Variants in NLRP7 observed in about 807,000 individuals in gnomAD.
NLRP7 encodes NACHT, LRR and PYD domains-containing protein 7.
NLRP7 carries 72 observed loss-of-function variants against 85.5 expected under a neutral mutation model. The observed-to-expected ratio is 0.84, with a 90% CI of 0.70 to 1.02. The LOEUF is 1.02. NLRP7 is among the 50% of genes least tolerant of loss of function. NLRP7 has a pLI of 0.00. For missense variants in NLRP7, 1,243 were observed against 1,219.5 expected (o/e 1.02, Z -0.29); for synonymous variants, 550 against 505.2 (o/e 1.09, Z -1.19).
intron 9 of NLRP7, among the ~76,000 whole-genome samples, chr19:54,928,804 T>C (rs2146159433): frequency 9.5e-6 from 1 of 105,522 alleles, no homozygotes; most frequent in East Asian, 3.9e-4. Flanking sequence ...TAGAAGCCTT[T>C]GGTTTTGTTT....
At chr19:54,941,604 G>C in exon 2 of NLRP7, 1 of 1,613,914 alleles carries the variant, frequency 6.2e-7, no homozygotes, top group Non-Finnish European at 8.5e-7. Flanking sequence ...TCTGTAGCAC[G>C]TCTTCGAGGG....
intron 3 of NLRP7, 52 bp downstream of exon 3, chr19:54,940,879 C>T: frequency 9.2e-7 from 1 of 1,083,114 alleles, no homozygotes; most frequent in Non-Finnish European, 1.4e-6. Flanking sequence ...AGTGATGCAC[C>T]TTGCATGCTC....
chr19:54,932,808 A>C (rs1179099357), intron 8 of NLRP7, among the ~76,000 whole-genome samples: 4 of 151,992 alleles, frequency 2.6e-5, no homozygotes, highest in Non-Finnish European at 5.9e-5. Context: ...GGCACGCACC[A>C]CCAAGCCTGG....
chr19:54,939,085 A>C (rs994651872), exon 4 of NLRP7: 6 of 1,614,176 alleles, frequency 3.7e-6, no homozygotes, highest in Non-Finnish European at 5.1e-6. Flanking sequence ...CCTCCTCCTG[A>C]GACTCATACA....
chr19:54,954,127 A>G (rs1434481829), intron 1 of NLRP7, among the ~76,000 whole-genome samples: 1 of 149,504 alleles, frequency 6.7e-6, no homozygotes, highest in Non-Finnish European at 1.5e-5. Context: ...GCCCCATGAC[A>G]GTTTACAAAT....
At chr19:54,938,961 G>T in exon 4 of NLRP7, 1 of 1,613,766 alleles carries the variant, frequency 6.2e-7, no homozygotes, top group Non-Finnish European at 8.5e-7. Context: ...TGCAGTGAGA[G>T]TTTCTGCAAG....
Position 54,941,017 on chromosome 19 carries a change from T to G in NLRP7, c.278-12A>C, listed in dbSNP as rs201164207. 662 of 1,573,350 alleles carry G rather than the reference T, an allele frequency of 4.2e-4. 1 individual carries two copies. Among genetic ancestry groups the G allele is most frequent in the Admixed American group, 1.2e-3 (72 of 59,898 alleles). On this transcript the variant is annotated splice_polypyrimidine_tract_variant and intron_variant, in intron 2 of 9. Coordinates refer to ENST00000340844, the Ensembl canonical transcript of NLRP7. Reference sequence around the variant, plus strand: ...CACCTGTCCGTCCTCTGTAAAATACTTAGATGTAAGCCTGACACAGTAATT... The same window carrying G: ...CACCTGTCCGTCCTCTGTAAAATACGTAGATGTAAGCCTGACACAGTAATT...
At chr19:54,939,109 C>T (rs1187232581) in exon 4 of NLRP7, 4 of 1,614,098 alleles carry the variant, frequency 2.5e-6, no homozygotes, top group East Asian at 2.2e-5. Context: ...AGCCCAAGAC[C>T]TCCTTCAGGT....
At chr19:54,953,557 CG>C (rs1212627945) in intron 1 of NLRP7, among the ~76,000 whole-genome samples, 1 of 149,052 alleles carries the variant, frequency 6.7e-6, no homozygotes, top group Non-Finnish European at 1.5e-5. Flanking sequence ...TCCTGGGCCG[CG>C]GGGCTGTCTG....
chr19:54,935,118 A>G (rs926995357), intron 6 of NLRP7, among the ~76,000 whole-genome samples: 1 of 152,190 alleles, frequency 6.6e-6, no homozygotes, highest in Non-Finnish European at 1.5e-5. Flanking sequence ...TGCTTCTTCA[A>G]GTATCCCCAT....
intron 9 of NLRP7, among the ~76,000 whole-genome samples, chr19:54,925,563 T>C (rs909338529): frequency 3.9e-5 from 6 of 152,292 alleles, no homozygotes; most frequent in South Asian, 4.1e-4. Flanking sequence ...CCGGGTACTT[T>C]GTGAGGCCAA....
At position 54,965,528 on chromosome 19, in the gene NLRP7, T is replaced by C. The variant is rs2146303968; in HGVS notation, c.-77+512A>G. On this transcript the variant is annotated intron_variant, in intron 1 of 2. Transcript: ENST00000587103. The stretch of plus-strand genomic sequence containing the variant: ...TGGAGTGCAGTGGCGCGATCTCTGC[T>C]CACTGCAAGCTCCGCCTCCCGGGTT... Among the ~76,000 whole-genome samples, 3 of 97,058 alleles carry C rather than the reference T, an allele frequency of 3.1e-5. 1 individual carries two copies. Among genetic ancestry groups the C allele is most frequent in the African/African-American group, 1.3e-4 (3 of 22,884 alleles). 63.7% of individuals were successfully genotyped at this position (97,058 alleles called of 152,430 possible). A position where few individuals can be genotyped will look rare whatever the true frequency, so the allele number is the denominator to read the frequency against.
chr19:54,945,444 A>G (rs2069427932), intron 1 of NLRP7, among the ~76,000 whole-genome samples: 1 of 149,134 alleles, frequency 6.7e-6, no homozygotes, highest in African/African-American at 2.5e-5. Context: ...TTTTTTTTGT[A>G]TTTTTAGTAC....
At chr19:54,941,094 T>G in intron 2 of NLRP7, 89 bp from the exon 3 acceptor site, 2 of 989,808 alleles carry the variant, frequency 2.0e-6, no homozygotes. Flanking sequence ...CCAGGCATGG[T>G]GGCTCATGCC....
At chr19:54,928,638 A>C (rs1273683731) in intron 9 of NLRP7, among the ~76,000 whole-genome samples, 2 of 152,096 alleles carry the variant, frequency 1.3e-5, no homozygotes, top group Non-Finnish European at 1.5e-5. Context: ...TTGGAAAGTG[A>C]TATGAGGAAA....
At chr19:54,924,674 G>A (rs999622467) in intron 9 of NLRP7, among the ~76,000 whole-genome samples, 3 of 151,368 alleles carry the variant, frequency 2.0e-5, no homozygotes, top group Admixed American at 1.3e-4. Flanking sequence ...GGTGACTCAC[G>A]CCTATAATTC....
At chr19:54,963,712 T>C (rs1242696194) in intron 1 of NLRP7, among the ~76,000 whole-genome samples, 1 of 150,934 alleles carries the variant, frequency 6.6e-6, no homozygotes, top group Non-Finnish European at 1.5e-5. Flanking sequence ...TAATCCCAGC[T>C]ATTCAGGAGG....
rs191260374 is a variant in NLRP7, at chr19:54,938,593, G to A, written c.1931+295C>T. Among the ~76,000 whole-genome samples the A allele has an allele frequency of 2.0e-4, 30 of 152,278 alleles. No homozygotes were observed. In the East Asian group the frequency reaches 5.4e-3, roughly 27 times the overall value. Reference sequence around the variant, plus strand: ...ATAAAATAATTAACCGGGCAAGGTGGTGCACGCCCATAGTCCCAGCTACTC... The same window carrying A: ...ATAAAATAATTAACCGGGCAAGGTGATGCACGCCCATAGTCCCAGCTACTC... On this transcript the variant is annotated intron_variant, in intron 4 of 9. Coordinates refer to ENST00000340844, the Ensembl canonical transcript of NLRP7.
intron 1 of NLRP7, among the ~76,000 whole-genome samples, chr19:54,963,125 G>T (rs1283121107): frequency 6.6e-6 from 1 of 152,128 alleles, no homozygotes; most frequent in Non-Finnish European, 1.5e-5. Flanking sequence ...GTCAAGCATG[G>T]TGGCTCACAC....
Sources: gnomAD v4.1 joint callset for allele counts (sites outside exome capture counted in the v4.1 genomes callset) on GRCh38, gnomAD v4.1.1 for gene constraint, MANE v1.5 for transcripts, NCBI Gene and HGNC (gene_info 2026-07-23, HGNC 2026-07-21) for gene names.